The following LRRC74B variants were observed in gnomAD, a reference collection of about 807,000 sequenced individuals.
LRRC74B encodes the protein leucine rich repeat containing 74B, also known as leucine-rich repeat-containing protein 74B.
In LRRC74B, 30 loss-of-function variants were observed where a neutral mutation model predicts 16.6. The observed-to-expected ratio is 1.80, with a 90% CI of 1.35 to 2.45. The LOEUF (loss-of-function observed/expected upper bound fraction) is 2.45, where lower values mean the gene tolerates loss of function less well. LRRC74B is among the 30% of genes most tolerant of loss of function. The probability of loss-of-function intolerance (pLI) is 0.00; values close to 1 mark genes in which losing one functional copy is unlikely to be tolerated. For missense variants in LRRC74B, 326 were observed against 202.4 expected (o/e 1.61, Z -3.71); for synonymous variants, 134 against 86.0 (o/e 1.56, Z -3.09).
At chr22:21,058,781 A>C (rs1263930575) in intron 8 of LRRC74B, among the ~76,000 whole-genome samples, 1 of 152,212 alleles carries the variant, frequency 6.6e-6, no homozygotes, top group South Asian at 2.1e-4. Context: ...GTCATATGGC[A>C]TTATCCTGCC....
chr22:21,062,567 GC>G (rs201503565), downstream of LRRC74B: 5,191 of 151,964 alleles, frequency 0.034, 340 homozygotes, highest in East Asian at 0.3. Flanking sequence ...ACAAAAATTA[GC>G]CGGGTGTGGT....
At position 21,048,950 on chromosome 22, in the gene LRRC74B, G is replaced by A. The variant is rs1396290345; in HGVS notation, c.416-1G>A. ...GGCCGAGGAGTGGTTCTGTCCCCCA[G>A]ATGTGGACCTGTCGGAGAACCAGCT... On this transcript the variant is annotated splice_acceptor_variant, in intron 3 of 8. Transcript: ENST00000442047. LOFTEE classifies it high-confidence loss of function. The A allele has an allele frequency of 1.4e-6, 1 of 716,206 alleles. No individual in the cohort carries two copies. The highest frequency in any genetic ancestry group is 2.7e-5 in the East Asian group (1 of 37,294). 44.4% of individuals were successfully genotyped at this position (716,206 alleles called of 1,614,324 possible).
At chr22:21,055,943 G>A (rs922073170) in intron 7 of LRRC74B, among the ~76,000 whole-genome samples, 1 of 152,102 alleles carries the variant, frequency 6.6e-6, no homozygotes, top group East Asian at 1.9e-4. Context: ...CTGGTGGGGG[G>A]CTCCTTCTTC....
At chr22:21,058,272 G>A (rs986109467) in intron 8 of LRRC74B, among the ~76,000 whole-genome samples, 1 of 152,038 alleles carries the variant, frequency 6.6e-6, no homozygotes, top group Non-Finnish European at 1.5e-5. Context: ...CATGTTGGGA[G>A]GCTGAGGTGG....
chr22:21,051,180 C>CT (rs1930011131), intron 4 of LRRC74B, among the ~76,000 whole-genome samples: 1 of 152,058 alleles, frequency 6.6e-6, no homozygotes, highest in Non-Finnish European at 1.5e-5. Context: ...TTTCTTTCCT[C>CT]TTTAGTGCCT....
chr22:21,058,097 C>T (rs1366692313), intron 8 of LRRC74B, among the ~76,000 whole-genome samples: 1 of 146,570 alleles, frequency 6.8e-6, no homozygotes, highest in Non-Finnish European at 1.5e-5. Context: ...GATGGGGTTT[C>T]ACCAGGTTGG....
At chr22:21,055,658 G>A (rs1256957505) in intron 7 of LRRC74B, among the ~76,000 whole-genome samples, 1 of 152,154 alleles carries the variant, frequency 6.6e-6, no homozygotes, top group African/African-American at 2.4e-5. Context: ...GGTCCCCAGG[G>A]GACCACTGTG....
chr22:21,054,806 G>GT (rs367624409), intron 6 of LRRC74B, among the ~76,000 whole-genome samples: 40 of 152,354 alleles, frequency 2.6e-4, no homozygotes, highest in African/African-American at 8.2e-4. Context: ...TAGGCATGAG[G>GT]TGTCAGCTGG....
intron 6 of LRRC74B, among the ~76,000 whole-genome samples, 166 bp from the exon 7 acceptor site, chr22:21,054,932 C>G (rs1376868670): frequency 6.6e-6 from 1 of 152,166 alleles, no homozygotes; most frequent in Non-Finnish European, 1.5e-5. Context: ...GTCATCTCCA[C>G]CTTTTACCTG....
At chr22:21,060,435 A>G (rs1378536769) in exon 9 of LRRC74B, 1 of 716,786 alleles carries the variant, frequency 1.4e-6, no homozygotes, top group Admixed American at 2.0e-5. Context: ...TTCTTCCAGA[A>G]CTCTGCATAA....
chr22:21,049,999 G>A (rs921446057), intron 4 of LRRC74B, among the ~76,000 whole-genome samples: 1 of 152,154 alleles, frequency 6.6e-6, no homozygotes, highest in South Asian at 2.1e-4. Flanking sequence ...GAATGCTGGT[G>A]AATCTGTATT....
intron 6 of LRRC74B, 128 bp downstream of exon 6, chr22:21,053,603 A>G (rs1190289591): frequency 1.2e-5 from 7 of 603,860 alleles, no homozygotes; most frequent in Non-Finnish European, 2.1e-5. Context: ...CAGCTCTGTC[A>G]TCCTTATCAC....
At chr22:21,046,986 G>A (rs529825328) in intron 1 of LRRC74B, among the ~76,000 whole-genome samples, 22 of 151,848 alleles carry the variant, frequency 1.4e-4, no homozygotes, top group African/African-American at 4.1e-4. Flanking sequence ...CCAGCTACTC[G>A]GGAGGCTGAG....
chr22:21,048,415 ACTGAAGAG>A (rs1187837862), intron 3 of LRRC74B: 1 of 275,994 alleles, frequency 3.6e-6, no homozygotes, highest in Non-Finnish European at 7.1e-6. Flanking sequence ...CAGTTCTGCC[ACTGAAGAG>A]CTGGATACCT....
At chr22:21,047,415 C>A (rs760313018) in exon 2 of LRRC74B, 4 of 717,396 alleles carry the variant, frequency 5.6e-6, no homozygotes, top group Non-Finnish European at 1.0e-5. Flanking sequence ...TTGCCGGGCC[C>A]ATAGTGTTGT....
At chr22:21,052,610 A>G (rs1343549306) in intron 5 of LRRC74B, among the ~76,000 whole-genome samples, 1 of 151,850 alleles carries the variant, frequency 6.6e-6, no homozygotes, top group East Asian at 1.9e-4. Flanking sequence ...CACCATAGAC[A>G]CCCAGCTGGG....
intron 8 of LRRC74B, 53 bp downstream of exon 8, chr22:21,057,253 TATC>T: frequency 1.4e-6 from 1 of 697,772 alleles, no homozygotes. Context: ...CCCTGTGAGG[TATC>T]ATAATTTTAG....
At position 21,060,365 on chromosome 22, in the gene LRRC74B, C is replaced by G. The variant is rs568107147; in HGVS notation, c.1024-8C>G. On this transcript the variant is annotated splice_region_variant and splice_polypyrimidine_tract_variant and intron_variant, in intron 8 of 8. Coordinates refer to ENST00000442047, the Ensembl canonical transcript of LRRC74B. ...CAAAGTTCATCCTTGTAATGGGTGT[C>G]TCCTTAGGATATCCAGGTGAACGCA... is the stretch of plus-strand genomic sequence containing the variant. The G allele has an allele frequency of 1.4e-6, 1 of 701,058 alleles. No homozygotes were observed. Among genetic ancestry groups the G allele is most frequent in the Admixed American group, 2.2e-5 (1 of 46,162 alleles). The allele number at this position is 701,058 out of a possible 1,614,324, so 43.4% of individuals were successfully genotyped here. A position where few individuals can be genotyped will look rare whatever the true frequency, so the allele number is the denominator to read the frequency against.
At chr22:21,059,621 C>A (rs1030898759) in intron 8 of LRRC74B, among the ~76,000 whole-genome samples, 14 of 152,208 alleles carry the variant, frequency 9.2e-5, no homozygotes, top group Admixed American at 2.0e-4. Context: ...AATATTCTAT[C>A]TTCTATTCCT....
Sources: allele counts gnomAD v4.1 joint callset (sites outside exome capture counted in the v4.1 genomes callset), GRCh38; gene constraint gnomAD v4.1.1; transcripts MANE v1.5; gene names NCBI Gene and HGNC (gene_info 2026-07-23, HGNC 2026-07-21).